The following ZNF516 variants were observed in gnomAD, a reference collection of about 807,000 sequenced individuals.
ZNF516 encodes the protein zinc finger protein 516.
In ZNF516, 19 loss-of-function variants were observed where a neutral mutation model predicts 79.7. That is an observed-to-expected ratio of 0.24 (90% CI 0.17 to 0.35). The LOEUF (loss-of-function observed/expected upper bound fraction) is 0.35. Among genes scored for constraint, ZNF516 ranks in the 10% least tolerant of loss-of-function variants. The pLI is 1.00. For missense variants in ZNF516, 1,678 were observed against 1,679.5 expected, an observed-to-expected ratio of 1.00 and a Z score of 0.02; for synonymous variants, 877 against 739.5, an observed-to-expected ratio of 1.19 and a Z score of -3.02.
Position 76,442,564 on chromosome 18 carries a change from G to A in ZNF516, c.491C>T (p.Ala164Val), listed in dbSNP as rs146698525. ...RSSKKGAEGS[A>V]CAPGEAKAAV... ...TGCCTTGGCCTCCCCCGGGGCGCAT[G>A]CGGACCCCTCTGCCCCCTTCTTGCT... The change falls in exon 3 of 7, where the codon GCA becomes GTA. Residue 164 changes from alanine to valine, a missense_variant. Ala to Val is a moderately conservative substitution (Grantham distance 64). Around this residue, in one of 5 missense-constraint regions of ZNF516, gnomAD observed 279 missense variants for 254.1 expected, o/e 1.10. Transcript: ENST00000443185. The A allele has an allele frequency of 5.4e-5, 87 of 1,598,774 alleles. No homozygotes were observed. The East Asian group carries it at 1.4e-3, about 27-fold the overall frequency.
intron 2 of ZNF516, among the ~76,000 whole-genome samples, chr18:76,448,052 T>C (rs184187216): frequency 4.5e-4 from 68 of 152,318 alleles, no homozygotes; most frequent in African/African-American, 1.5e-3. Context: ...AAGTAAAATG[T>C]TTGAAAAAAC....
chr18:76,472,783 T>A (rs539707854), intron 1 of ZNF516, among the ~76,000 whole-genome samples: 1 of 152,126 alleles, frequency 6.6e-6, no homozygotes, highest in African/African-American at 2.4e-5. Context: ...GATCACTAAA[T>A]CCAGTAAGCA....
chr18:76,471,832 G>C (rs1242462902), intron 1 of ZNF516, among the ~76,000 whole-genome samples: 4 of 152,168 alleles, frequency 2.6e-5, no homozygotes, highest in Admixed American at 1.3e-4. Flanking sequence ...GATGGAAGCT[G>C]TTCTGGGACT....
chr18:76,435,940 AGGCCT>A (rs1016274383), intron 3 of ZNF516, among the ~76,000 whole-genome samples: 50 of 152,396 alleles, frequency 3.3e-4, no homozygotes, highest in African/African-American at 9.6e-4. Flanking sequence ...GAGCCCTGTC[AGGCCT>A]GGCATGGGCC....
chr18:76,469,181 G>GA (rs1206824601), intron 1 of ZNF516, among the ~76,000 whole-genome samples: 1 of 152,214 alleles, frequency 6.6e-6, no homozygotes, highest in African/African-American at 2.4e-5. Flanking sequence ...TTTACTGGAA[G>GA]AAAGTTTTTG....
rs748569273 is a variant in ZNF516, at chr18:76,378,955, C to T, written c.3159G>A (p.Lys1053=). Residue 1053 remains lysine (K), a synonymous_variant, in exon 4 of 7, where the codon AAG becomes AAA. Coordinates refer to ENST00000443185, the MANE Select transcript of ZNF516 (RefSeq NM_014643.4). ...KQEPVAEGHE[K]RLDILNIFKT... ...TAAAGATGTTGAGGATGTCCAGGCG[C>T]TTCTCATGCCCCTCGGCCACCGGCT... is the stretch of plus-strand genomic sequence containing the variant. 3 of 1,613,774 alleles carry T rather than the reference C, an allele frequency of 1.9e-6. No homozygotes were observed. The highest frequency in any genetic ancestry group is 2.5e-6 in the Non-Finnish European group (3 of 1,179,814).
intron 3 of ZNF516, among the ~76,000 whole-genome samples, chr18:76,429,537 A>G (rs1240969948): frequency 6.6e-6 from 1 of 152,094 alleles, no homozygotes; most frequent in African/African-American, 2.4e-5. Flanking sequence ...GAAGACGATG[A>G]CCAAGGCCAG....
chr18:76,409,257 C>T (rs752438794), intron 3 of ZNF516, among the ~76,000 whole-genome samples: 3 of 152,136 alleles, frequency 2.0e-5, no homozygotes, highest in African/African-American at 4.8e-5. Context: ...TATTTTTATA[C>T]AAATCAGGAA....
chr18:76,409,171 A>AT (rs1362081615), intron 3 of ZNF516, among the ~76,000 whole-genome samples: 1 of 134,382 alleles, frequency 7.4e-6, no homozygotes, highest in African/African-American at 2.6e-5. Context: ...TTCCAGGGAA[A>AT]TTGAGACTTT....
chr18:76,456,643 AC>A (rs774198837), intron 2 of ZNF516, among the ~76,000 whole-genome samples: 2 of 150,298 alleles, frequency 1.3e-5, no homozygotes, highest in East Asian at 4.0e-4. Context: ...CACACAGTCA[AC>A]CCCGACGGTC....
At chr18:76,365,166 T>C (rs2074595584) in intron 6 of ZNF516, among the ~76,000 whole-genome samples, 1 of 152,274 alleles carries the variant, frequency 6.6e-6, no homozygotes, top group South Asian at 2.1e-4. Context: ...TTTCATTTCC[T>C]GTTATTTTGA....
chr18:76,372,405 G>A (rs1414751379), intron 4 of ZNF516, among the ~76,000 whole-genome samples: 7 of 152,128 alleles, frequency 4.6e-5, no homozygotes, highest in East Asian at 3.8e-4. Flanking sequence ...ACTGTTATGC[G>A]CAATAGTAAC....
rs1915355727 is a variant in ZNF516, at chr18:76,493,538, C to G, written c.-272+1606G>C. On this transcript the variant is annotated intron_variant, in intron 1 of 6. Coordinates refer to ENST00000443185, the MANE Select transcript of ZNF516 (RefSeq NM_014643.4). The surrounding 1 kb of genome is among the most constrained non-coding windows in gnomAD (Gnocchi z 5.2). ...CGTGTTTCCTTAAGAAAGAACTGAC[C>G]TATTTTTGGCTGGAGATAAACGATC... 6.6e-6 allele frequency: 1 copy of G among 152,202 alleles called. No homozygotes were observed. Among genetic ancestry groups the G allele is most frequent in the Non-Finnish European group, 1.5e-5 (1 of 68,040 alleles). The allele number at this position is 152,202 out of a possible 1,614,324, so 9.4% of individuals were successfully genotyped here.
At position 76,380,168 on chromosome 18, in the gene ZNF516, G is replaced by C. The variant is rs889642077; in HGVS notation, c.1946C>G (p.Ser649Cys). ...GCTACTGTTTTCAAGTATGGACACA[G>C]AAGCTGCGATCCCTGCCTTGGACTC... is the stretch of plus-strand genomic sequence containing the variant. Reference protein sequence around the residue: ...TGESKAGIAASVSILENSSRE... With the variant: ...TGESKAGIAACVSILENSSRE... Residue 649 changes from serine to cysteine, a missense_variant, in exon 4 of 7, where the codon TCT (serine) becomes TGT (cysteine). This residue lies in a region of ZNF516 where 1,294 missense variants were observed against 1,248.3 expected (regional missense o/e 1.04). Transcript: ENST00000443185. 1.2e-6 allele frequency: 2 copies of C among 1,613,870 alleles called. No individual in the cohort carries two copies. Among genetic ancestry groups the C allele is most frequent in the African/African-American group, 2.7e-5 (2 of 74,898 alleles).
intron 6 of ZNF516, among the ~76,000 whole-genome samples, chr18:76,366,735 C>G (rs1225918968): frequency 6.6e-6 from 1 of 152,178 alleles, no homozygotes; most frequent in Non-Finnish European, 1.5e-5. Context: ...TATTTTTAGA[C>G]TAAATGACAA....
intron 1 of ZNF516, among the ~76,000 whole-genome samples, chr18:76,482,808 T>C (rs796502619): frequency 7.9e-5 from 12 of 152,254 alleles, no homozygotes; most frequent in African/African-American, 2.9e-4. Flanking sequence ...AATGACCAGA[T>C]ACTCAAACGA....
chr18:76,408,657 CAGAA>C (rs1555703730), intron 3 of ZNF516, among the ~76,000 whole-genome samples: 1 of 152,186 alleles, frequency 6.6e-6, no homozygotes, highest in Non-Finnish European at 1.5e-5. Flanking sequence ...CCGCTAACGA[CAGAA>C]AGAGGCGTAA....
intron 1 of ZNF516, among the ~76,000 whole-genome samples, chr18:76,478,269 A>T (rs534776401): frequency 1.3e-5 from 2 of 152,306 alleles, no homozygotes; most frequent in Admixed American, 6.5e-5. Context: ...CAGGAAGGGC[A>T]TTTGTTGCTA....
At chr18:76,458,503 C>T (rs774107835) in intron 2 of ZNF516, among the ~76,000 whole-genome samples, 24 of 152,336 alleles carry the variant, frequency 1.6e-4, no homozygotes, top group Admixed American at 5.9e-4. Flanking sequence ...ACAGATGTTT[C>T]GGGGGGCATT....
Sources: allele counts gnomAD v4.1 joint callset (sites outside exome capture counted in the v4.1 genomes callset), GRCh38; gene constraint gnomAD v4.1.1; regional missense constraint gnomAD v4.1.1; non-coding constraint Gnocchi (gnomAD v3.1); transcripts MANE v1.5; gene names NCBI Gene and HGNC (gene_info 2026-07-23, HGNC 2026-07-21).